The following MYO1B variants were observed in gnomAD, a reference collection of about 807,000 sequenced individuals.
MYO1B encodes unconventional myosin-Ib.
Under a neutral mutation model 159.7 loss-of-function variants are expected in MYO1B, and 72 were observed. The ratio of observed to expected loss-of-function variants is 0.45; its 90% CI spans 0.37 to 0.55. The LOEUF (loss-of-function observed/expected upper bound fraction) is 0.55, where lower values mean the gene tolerates loss of function less well. MYO1B is among the 20% of genes least tolerant of loss of function. MYO1B has a pLI of 0.00. For synonymous variants in MYO1B, 468 were observed against 473.8 expected, an observed-to-expected ratio of 0.99 and a Z score of 0.16; for missense variants, 1,062 against 1,364.8, an observed-to-expected ratio of 0.78 and a Z score of 3.50.
rs991212021 is a variant in MYO1B, at chr2:191,369,748, C to G, written c.1119+120C>G. ...TGATTGCCACTTACAAAGATTATTCCTTAAAAAGAGTGTACCATGTATAAG... is the reference window on the plus strand; with the variant it reads ...TGATTGCCACTTACAAAGATTATTCGTTAAAAAGAGTGTACCATGTATAAG... On this transcript the variant is annotated intron_variant, in intron 12 of 30. Transcript: ENST00000392318. 18 of 764,634 alleles carry G rather than the reference C, an allele frequency of 2.4e-5. No individual in the cohort carries two copies. The East Asian group carries it at 4.8e-4, about 21-fold the overall frequency. 47.4% of individuals were successfully genotyped at this position (764,634 alleles called of 1,614,324 possible).
chr2:191,393,356 G>T, intron 20 of MYO1B, 134 bp downstream of exon 20: 3 of 1,087,026 alleles, frequency 2.8e-6, no homozygotes, highest in Middle Eastern at 2.9e-4. Context: ...TGTTCTTAAT[G>T]GTTCTTTTTT....
At position 191,363,734 on chromosome 2, in the gene MYO1B, A is replaced by G. The variant is rs749025888; in HGVS notation, c.772A>G (p.Met258Val). 5 of 1,606,208 alleles carry G rather than the reference A, an allele frequency of 3.1e-6. No homozygotes were observed. The highest frequency in any genetic ancestry group is 3.4e-6 in the Non-Finnish European group (4 of 1,177,946). Residue 258 changes from methionine to valine, a missense_variant, in exon 10 of 31, where the codon ATG becomes GTG. By Grantham distance (21) the Met-to-Val change is conservative. Around this residue, in one of 5 missense-constraint regions of MYO1B, gnomAD observed 415 missense variants for 544.0 expected, o/e 0.76. Coordinates refer to ENST00000392318, the MANE Select transcript of MYO1B (RefSeq NM_001130158.3). ...AANFRTVRNA[M>V]QIVGFMDHEA... is the part of the protein sequence containing the mutation. ...TTTTTTTTTCTCTCCCCAGAATGCC[A>G]TGCAGATTGTGGGCTTTATGGATCA...
chr2:191,403,585 A>G (rs1696741045), intron 24 of MYO1B, among the ~76,000 whole-genome samples: 1 of 152,170 alleles, frequency 6.6e-6, no homozygotes, highest in South Asian at 2.1e-4. Context: ...TTGAATTATT[A>G]TCTGAGTAAT....
intron 28 of MYO1B, 69 bp downstream of exon 28, chr2:191,414,249 A>AT: frequency 6.5e-7 from 1 of 1,533,574 alleles, no homozygotes; most frequent in Non-Finnish European, 8.8e-7. Flanking sequence ...TGTTTTCTGA[A>AT]TGTAAAAATT....
At chr2:191,350,286 T>G in intron 7 of MYO1B, 61 bp downstream of exon 7, 1 of 1,219,034 alleles carries the variant, frequency 8.2e-7, no homozygotes, top group African/African-American at 1.5e-5. Context: ...ATATTTATAG[T>G]AGAATAGTTT....
At chr2:191,393,347 G>A in intron 20 of MYO1B, 125 bp downstream of exon 20, 1 of 1,089,398 alleles carries the variant, frequency 9.2e-7, no homozygotes, top group African/African-American at 1.6e-5. Context: ...GATAATGGAT[G>A]TTCTTAATGG....
chr2:191,409,310 T>A, intron 26 of MYO1B, 132 bp downstream of exon 26: 1 of 1,036,430 alleles, frequency 9.6e-7, no homozygotes, highest in Non-Finnish European at 1.4e-6. Context: ...CTTTGGTGAT[T>A]TTCCCCCATG....
chr2:191,410,524 T>C (rs929417702), intron 26 of MYO1B, among the ~76,000 whole-genome samples: 2 of 152,228 alleles, frequency 1.3e-5, no homozygotes, highest in African/African-American at 4.8e-5. Flanking sequence ...GCAGTGGTTT[T>C]CAAACTGTCA....
intron 21 of MYO1B, among the ~76,000 whole-genome samples, chr2:191,397,321 T>C (rs1349930039): frequency 1.4e-5 from 2 of 146,988 alleles, no homozygotes; most frequent in Non-Finnish European, 3.0e-5. Context: ...CTGGTTTTCC[T>C]AGGCAGAGGA....
chr2:191,380,363 C>T (rs971218659), intron 13 of MYO1B, among the ~76,000 whole-genome samples: 5 of 152,168 alleles, frequency 3.3e-5, no homozygotes, highest in Non-Finnish European at 5.9e-5. Context: ...TTTGGCTGCA[C>T]CATTACATGT....
intron 1 of MYO1B, among the ~76,000 whole-genome samples, chr2:191,271,398 G>A (rs923386598): frequency 6.6e-6 from 1 of 152,054 alleles, no homozygotes; most frequent in African/African-American, 2.4e-5. Context: ...TTTAGGCTGG[G>A]TGCAGTGGCT....
In MYO1B at chr2:191,322,911, C is replaced by G. The variant is rs190068692; in HGVS notation, c.252-7024C>G. Among the ~76,000 whole-genome samples the G allele has an allele frequency of 1.9e-3, 285 of 152,234 alleles. 3 individuals are homozygous for G. The highest frequency in any genetic ancestry group is 1.9e-3 in the East Asian group (10 of 5,182). ...TCAGAGGAACAAAAGAATGGCTACT[C>G]TATAGACAGAGAAGCCCCAAGGGCT... On this transcript the variant is annotated intron_variant, in intron 3 of 30. Transcript: ENST00000392318.
Position 191,252,313 on chromosome 2 carries a change from C to G in MYO1B, c.-10+6687C>G, listed in dbSNP as rs756520162. Among the ~76,000 whole-genome samples, 15 of 152,320 alleles carry G rather than the reference C, an allele frequency of 9.8e-5. No homozygotes were observed. The South Asian group carries it at 1.2e-3, about 13-fold the overall frequency. ...AAAATGTATGAACTGCCACGTTGGT[C>G]AGGTTCAGGGCTTATTTGCCGTAGT... is the stretch of plus-strand genomic sequence containing the variant. On this transcript the variant is annotated intron_variant, in intron 1 of 30. Coordinates refer to ENST00000392318, the MANE Select transcript of MYO1B (RefSeq NM_001130158.3).
At chr2:191,346,126 A>G in intron 5 of MYO1B, 110 bp from the exon 6 acceptor site, 1 of 845,186 alleles carries the variant, frequency 1.2e-6, no homozygotes, top group Non-Finnish European at 1.8e-6. Context: ...TATCATTGCT[A>G]CAAGTTGTAT....
At chr2:191,318,405 A>G (rs1690489999) in intron 3 of MYO1B, among the ~76,000 whole-genome samples, 1 of 152,196 alleles carries the variant, frequency 6.6e-6, no homozygotes, top group Non-Finnish European at 1.5e-5. Context: ...GTATATAGAA[A>G]TGGAGCTTTC....
intron 3 of MYO1B, among the ~76,000 whole-genome samples, chr2:191,307,474 T>A (rs1428248660): frequency 6.6e-6 from 1 of 152,154 alleles, no homozygotes; most frequent in East Asian, 1.9e-4. Context: ...TGGGCTGACC[T>A]TCTCTCTCAC....
intron 1 of MYO1B, among the ~76,000 whole-genome samples, chr2:191,273,821 G>A (rs1020332483): frequency 2.6e-5 from 4 of 152,170 alleles, no homozygotes; most frequent in South Asian, 2.1e-4. Context: ...AGCCCCATGC[G>A]AATTCTTCTA....
At chr2:191,251,979 G>C (rs1458486522) in intron 1 of MYO1B, among the ~76,000 whole-genome samples, 2 of 152,166 alleles carry the variant, frequency 1.3e-5, no homozygotes, top group African/African-American at 2.4e-5. Flanking sequence ...ATTGCTATTT[G>C]TGATGTTCAG....
At chr2:191,256,515 A>T (rs1389078442) in intron 1 of MYO1B, among the ~76,000 whole-genome samples, 1 of 152,146 alleles carries the variant, frequency 6.6e-6, no homozygotes, top group Non-Finnish European at 1.5e-5. Flanking sequence ...TTTGAATCCT[A>T]GCAGTGCACA....
Sources: gnomAD v4.1 joint callset for allele counts (sites outside exome capture counted in the v4.1 genomes callset) on GRCh38, gnomAD v4.1.1 for gene constraint, gnomAD v4.1.1 regional missense constraint, MANE v1.5 for transcripts, NCBI Gene and HGNC (gene_info 2026-07-23, HGNC 2026-07-21) for gene names.